Variants in NT5C2 observed in about 807,000 individuals in gnomAD.
NT5C2 encodes the protein cytosolic purine 5'-nucleotidase.
A neutral mutation model predicts 76.1 loss-of-function variants in NT5C2; 58 were observed. The observed-to-expected ratio is 0.76, with a 90% confidence interval of 0.62 to 0.95. The LOEUF is 0.95. NT5C2 is among the 40% of genes least tolerant of loss of function. The probability of loss-of-function intolerance (pLI) is 0.00; values close to 1 mark genes in which losing one functional copy is unlikely to be tolerated. For synonymous variants in NT5C2, 229 were observed against 237.4 expected, an observed-to-expected ratio of 0.96 and a Z score of 0.32; for missense variants, 478 against 690.3, an observed-to-expected ratio of 0.69 and a Z score of 3.45.
intron 1 of NT5C2, among the ~76,000 whole-genome samples, chr10:103,188,251 G>A (rs1198598624): frequency 3.9e-5 from 6 of 152,166 alleles, no homozygotes; most frequent in Admixed American, 1.3e-4. Flanking sequence ...CCAGCTACTC[G>A]GGAGGCTGAG....
At chr10:103,121,792 G>A (rs926141437) in intron 4 of NT5C2, among the ~76,000 whole-genome samples, 1 of 152,134 alleles carries the variant, frequency 6.6e-6, no homozygotes, top group Non-Finnish European at 1.5e-5. Context: ...AAGGAGGGGA[G>A]GGCAGAAAAA....
Position 103,089,416 on chromosome 10 carries a change from C to T in NT5C2, c.*256G>A, listed in dbSNP as rs1349328721. ...TCACAAGCCACAGTGGAGCCATATACATGCAGTTCAGCCTGATTTTACCCT... is the reference window on the plus strand; with the variant it reads ...TCACAAGCCACAGTGGAGCCATATATATGCAGTTCAGCCTGATTTTACCCT... On this transcript the variant is annotated 3_prime_UTR_variant, in exon 19 of 19. Coordinates refer to ENST00000404739, the MANE Select transcript of NT5C2 (RefSeq NM_001351169.2). The T allele has an allele frequency of 2.5e-6, 1 of 396,724 alleles. No homozygotes were observed. The highest frequency in any genetic ancestry group is 4.3e-6 in the Non-Finnish European group (1 of 230,306). 24.6% of individuals were successfully genotyped at this position (396,724 alleles called of 1,614,324 possible).
chr10:103,097,269 A>G (rs747026825), intron 11 of NT5C2, 22 bp downstream of exon 11: 8 of 1,546,586 alleles, frequency 5.2e-6, no homozygotes, highest in Non-Finnish European at 7.1e-6. Context: ...TGCATAAATA[A>G]ATATACACAT....
chr10:103,094,738 C>T (rs551727843), intron 12 of NT5C2, among the ~76,000 whole-genome samples: 6 of 151,948 alleles, frequency 3.9e-5, no homozygotes, highest in African/African-American at 7.3e-5. Flanking sequence ...AAAAATTAGC[C>T]GGGCGTGGTG....
chr10:103,109,848 A>G (rs1437297777), intron 4 of NT5C2, among the ~76,000 whole-genome samples: 1 of 152,214 alleles, frequency 6.6e-6, no homozygotes, highest in Non-Finnish European at 1.5e-5. Flanking sequence ...ACAATACAGG[A>G]GAGAAAAAGT....
chr10:103,139,961 A>G (rs1302351928), intron 3 of NT5C2, among the ~76,000 whole-genome samples: 3 of 152,178 alleles, frequency 2.0e-5, no homozygotes, highest in African/African-American at 7.2e-5. Context: ...TCTGTCACCC[A>G]GGCTGGAGTG....
At position 103,088,526 on chromosome 10, in the gene NT5C2, T is replaced by G. The variant is rs1358435921; in HGVS notation, c.*1146A>C. On this transcript the variant is annotated 3_prime_UTR_variant, in exon 19 of 19. Coordinates refer to ENST00000404739, the MANE Select transcript of NT5C2 (RefSeq NM_001351169.2). Reference sequence around the variant, plus strand: ...CAGCCTCCTGAGTAGATGATGGGATTACAGGCATGCACCACCACGCCCAGG... The same window carrying G: ...CAGCCTCCTGAGTAGATGATGGGATGACAGGCATGCACCACCACGCCCAGG... The G allele has an allele frequency of 6.6e-6, 1 of 152,536 alleles. No homozygotes were observed. Among genetic ancestry groups the G allele is most frequent in the East Asian group, 1.9e-4 (1 of 5,254 alleles). 9.4% of individuals were successfully genotyped at this position (152,536 alleles called of 1,614,324 possible). A position where few individuals can be genotyped will look rare whatever the true frequency, so the allele number is the denominator to read the frequency against.
intron 4 of NT5C2, among the ~76,000 whole-genome samples, chr10:103,125,717 T>A (rs1262376837): frequency 2.0e-5 from 3 of 152,202 alleles, no homozygotes; most frequent in Non-Finnish European, 4.4e-5. Flanking sequence ...CTATTTGCCA[T>A]TTGAAAAAAA....
intron 3 of NT5C2, chr10:103,169,209 A>T (rs1386809660): frequency 6.6e-6 from 1 of 152,232 alleles, no homozygotes; most frequent in South Asian, 2.1e-4. Context: ...GCCATTCCAT[A>T]TCAACTTGTA....
rs148626380 is a variant in NT5C2 at position 103,172,995 on chromosome 10, G to A, written c.101+1863C>T. 2.0e-4 allele frequency among the ~76,000 whole-genome samples: 30 copies of A among 152,172 alleles called. No homozygotes were observed. In the East Asian group the frequency reaches 4.1e-3, roughly 21 times the overall value. ...TGGACTTCAGCCTTGGCAACAGAAC[G>A]AGACTCTGTCTCAAAACAAAACAAA... On this transcript the variant is annotated intron_variant, in intron 3 of 18. Coordinates refer to ENST00000404739, the MANE Select transcript of NT5C2 (RefSeq NM_001351169.2).
At chr10:103,174,550 A>G (rs2089322497) in intron 3 of NT5C2, among the ~76,000 whole-genome samples, 1 of 152,206 alleles carries the variant, frequency 6.6e-6, no homozygotes. Flanking sequence ...CAGCCTGGGC[A>G]ACAGAGCAAG....
chr10:103,129,388 G>A (rs2077483061), intron 4 of NT5C2, among the ~76,000 whole-genome samples: 1 of 117,608 alleles, frequency 8.5e-6, no homozygotes, highest in Admixed American at 7.8e-5. Flanking sequence ...CCCCGTCTGG[G>A]AGGTGAGGGG....
intron 3 of NT5C2, among the ~76,000 whole-genome samples, chr10:103,157,398 A>C (rs2083648975): frequency 6.6e-6 from 1 of 152,190 alleles, no homozygotes; most frequent in South Asian, 2.1e-4. Context: ...ATTTTAGATT[A>C]AGCAAACTAA....
intron 1 of NT5C2, among the ~76,000 whole-genome samples, chr10:103,190,387 C>G (rs1564677122): frequency 6.6e-6 from 1 of 152,320 alleles, no homozygotes; most frequent in East Asian, 1.9e-4. Flanking sequence ...CTCAATACAT[C>G]CACTTCAGCA....
chr10:103,132,670 T>C (rs1210748370), intron 4 of NT5C2, among the ~76,000 whole-genome samples: 1 of 152,020 alleles, frequency 6.6e-6, no homozygotes, highest in African/African-American at 2.4e-5. Context: ...CTCAGCCTCC[T>C]GAGTAGCTGG....
At chr10:103,189,584 G>A (rs1190590605) in intron 1 of NT5C2, among the ~76,000 whole-genome samples, 13 of 141,816 alleles carry the variant, frequency 9.2e-5, no homozygotes, top group African/African-American at 2.1e-4. Flanking sequence ...ACAGCCTGGC[G>A]ACAGAGCGAG....
At chr10:103,135,857 G>T (rs2079095889) in intron 4 of NT5C2, among the ~76,000 whole-genome samples, 1 of 152,182 alleles carries the variant, frequency 6.6e-6, no homozygotes, top group Non-Finnish European at 1.5e-5. Context: ...GGCCGAGGCA[G>T]GTGGATCACC....
intron 15 of NT5C2, among the ~76,000 whole-genome samples, chr10:103,092,457 T>G (rs2134627795): frequency 6.6e-6 from 1 of 152,332 alleles, no homozygotes; most frequent in Admixed American, 6.5e-5. Flanking sequence ...GCACAGGGTA[T>G]CTCATTAACT....
chr10:103,139,329 A>C (rs1414432274), intron 4 of NT5C2, 77 bp downstream of exon 4: 3 of 858,148 alleles, frequency 3.5e-6, no homozygotes, highest in African/African-American at 3.5e-5. Flanking sequence ...AGCAAATGTC[A>C]ATTGAATTGC....
Sources: allele counts gnomAD v4.1 joint callset (sites outside exome capture counted in the v4.1 genomes callset), GRCh38; gene constraint gnomAD v4.1.1; transcripts MANE v1.5; gene names NCBI Gene and HGNC (gene_info 2026-07-23, HGNC 2026-07-21).